The following SNTG1 variants were observed in gnomAD, a reference collection of about 807,000 sequenced individuals.
SNTG1 encodes the protein syntrophin gamma 1, also known as gamma-1-syntrophin.
SNTG1 carries 39 observed loss-of-function variants against 74.7 expected under a neutral mutation model. The ratio of observed to expected loss-of-function variants is 0.52; its 90% CI spans 0.40 to 0.68. The LOEUF (loss-of-function observed/expected upper bound fraction) is 0.68. Among genes scored for constraint, SNTG1 ranks in the 30% least tolerant of loss-of-function variants. The pLI, the probability that SNTG1 is intolerant of heterozygous loss-of-function variation, is 0.00. For missense variants in SNTG1, 685 were observed against 609.5 expected, an observed-to-expected ratio of 1.12 and a Z score of -1.30; for synonymous variants, 254 against 217.1, an observed-to-expected ratio of 1.17 and a Z score of -1.49.
At chr8:49,933,201 AGTAGCT>A (rs1467994744) in intron 1 of SNTG1, among the ~76,000 whole-genome samples, 2 of 152,186 alleles carry the variant, frequency 1.3e-5, no homozygotes, top group African/African-American at 4.8e-5. Flanking sequence ...TGTTTTCCAA[AGTAGCT>A]GTACATTCCC....
intron 1 of SNTG1, among the ~76,000 whole-genome samples, chr8:50,042,729 T>C (rs560319525): frequency 1.1e-4 from 15 of 135,586 alleles, no homozygotes; most frequent in East Asian, 2.1e-4. Flanking sequence ...GCTAATTGAC[T>C]TTTTTTTTTT....
intron 12 of SNTG1, among the ~76,000 whole-genome samples, chr8:50,582,072 A>C (rs989176649): frequency 6.6e-6 from 1 of 152,258 alleles, no homozygotes; most frequent in Admixed American, 6.5e-5. Flanking sequence ...TCTGACAAAA[A>C]CAATCATCCA....
chr8:50,101,882 A>G (rs2080142362), intron 1 of SNTG1, among the ~76,000 whole-genome samples: 1 of 152,214 alleles, frequency 6.6e-6, no homozygotes, highest in Non-Finnish European at 1.5e-5. Context: ...TACAAAGGAC[A>G]CGAACTCATC....
At chr8:50,626,175 T>G (rs1166375116) in intron 13 of SNTG1, among the ~76,000 whole-genome samples, 2 of 152,190 alleles carry the variant, frequency 1.3e-5, no homozygotes, top group Non-Finnish European at 2.9e-5. Context: ...TGTGCTGAAC[T>G]TCCTTTATAT....
chr8:50,362,326 C>T (rs1563942894), intron 2 of SNTG1, among the ~76,000 whole-genome samples: 1 of 152,036 alleles, frequency 6.6e-6, no homozygotes, highest in Non-Finnish European at 1.5e-5. Context: ...AACATATACA[C>T]AAAACAAAAC....
intron 13 of SNTG1, among the ~76,000 whole-genome samples, chr8:50,616,663 C>A (rs777457004): frequency 2.3e-4 from 35 of 152,118 alleles, no homozygotes; most frequent in Non-Finnish European, 4.4e-4. Flanking sequence ...GTGCACACAG[C>A]CAAAGCCAAT....
At chr8:50,651,397 C>T (rs1167916372) in intron 13 of SNTG1, among the ~76,000 whole-genome samples, 21 of 151,998 alleles carry the variant, frequency 1.4e-4, no homozygotes, top group Non-Finnish European at 1.5e-5. Context: ...TGTTGAATCC[C>T]TCAAGTTTGA....
intron 12 of SNTG1, among the ~76,000 whole-genome samples, chr8:50,582,021 T>C (rs535407119): frequency 9.9e-5 from 15 of 152,114 alleles, no homozygotes; most frequent in Non-Finnish European, 2.2e-4. Context: ...TAATCATGAG[T>C]TCCCTCTCCT....
At chr8:50,743,660 A>AAG (rs545230006) in intron 17 of SNTG1, among the ~76,000 whole-genome samples, 6 of 151,220 alleles carry the variant, frequency 4.0e-5, no homozygotes, top group Admixed American at 1.3e-4. Context: ...AAAAAAAAAA[A>AAG]GCCAAAGAAA....
chr8:50,089,998 A>G (rs1691209079), intron 1 of SNTG1, among the ~76,000 whole-genome samples: 1 of 152,246 alleles, frequency 6.6e-6, no homozygotes, highest in African/African-American at 2.4e-5. Context: ...AATTTATTTT[A>G]GAAGAGAAAA....
chr8:50,262,353 T>A (rs1345691713), intron 2 of SNTG1, among the ~76,000 whole-genome samples: 1 of 152,122 alleles, frequency 6.6e-6, no homozygotes, highest in African/African-American at 2.4e-5. Context: ...AGAACAAAAA[T>A]CAATACAATT....
At chr8:50,753,079 C>G (rs997644634) in intron 18 of SNTG1, among the ~76,000 whole-genome samples, 1 of 151,962 alleles carries the variant, frequency 6.6e-6, no homozygotes, top group South Asian at 2.1e-4. Context: ...CACTTTGTCT[C>G]CCATCAGTTT....
At chr8:50,638,188 A>G (rs141800645) in intron 13 of SNTG1, among the ~76,000 whole-genome samples, 3,885 of 152,188 alleles carry the variant, frequency 0.026, 80 homozygotes, top group Middle Eastern at 0.041. Flanking sequence ...AGATGGACTC[A>G]TCTCTAGAGC....
chr8:50,171,120 C>T (rs1357791375), intron 1 of SNTG1, among the ~76,000 whole-genome samples: 1 of 152,122 alleles, frequency 6.6e-6, no homozygotes, highest in African/African-American at 2.4e-5. Context: ...TGCCACAAGT[C>T]CAGTCCACAG....
chr8:50,231,331 CA>C lies in SNTG1; in HGVS notation c.-28+58702del. 2.0e-5 allele frequency among the ~76,000 whole-genome samples: 3 copies of C among 151,282 alleles called. No homozygotes were observed. The Middle Eastern group carries it at 0.01, about 515-fold the overall frequency. On this transcript the variant is annotated intron_variant, in intron 2 of 18. Coordinates refer to ENST00000642720, the MANE Select transcript of SNTG1 (RefSeq NM_018967.5). Reference sequence around the variant, plus strand: ...TATGGAAACCAATATGGTGGTTCCTCAAAAAACTAAAAAGAGAGTTACCATA... The same window carrying C: ...TATGGAAACCAATATGGTGGTTCCTCAAAAACTAAAAAGAGAGTTACCATA...
intron 1 of SNTG1, among the ~76,000 whole-genome samples, chr8:50,018,985 A>C (rs1033414914): frequency 6.6e-6 from 1 of 152,020 alleles, no homozygotes; most frequent in African/African-American, 2.4e-5. Context: ...TATATACCCA[A>C]GGGAAATAAA....
intron 8 of SNTG1, among the ~76,000 whole-genome samples, chr8:50,487,795 C>T (rs1166490880): frequency 2.0e-5 from 3 of 151,220 alleles, no homozygotes; most frequent in Admixed American, 6.6e-5. Flanking sequence ...ATGTAACTAA[C>T]CTGCACAATG....
At chr8:50,563,768 TGTG>T (rs1317834265) in intron 12 of SNTG1, among the ~76,000 whole-genome samples, 2 of 152,058 alleles carry the variant, frequency 1.3e-5, no homozygotes, top group Non-Finnish European at 2.9e-5. Context: ...TACATTGACT[TGTG>T]GTTTCCTAAA....
At chr8:50,574,938 C>A (rs928146655) in intron 12 of SNTG1, among the ~76,000 whole-genome samples, 4 of 151,988 alleles carry the variant, frequency 2.6e-5, no homozygotes, top group African/African-American at 9.7e-5. Context: ...AATATTTGGC[C>A]CTTATTGGTT....
Sources: gnomAD v4.1 joint callset for allele counts (sites outside exome capture counted in the v4.1 genomes callset) on GRCh38, gnomAD v4.1.1 for gene constraint, MANE v1.5 for transcripts, NCBI Gene and HGNC (gene_info 2026-07-23, HGNC 2026-07-21) for gene names.